Variants in ZNF385C observed in about 807,000 individuals in gnomAD.
ZNF385C encodes the protein CTD-2132N18.2.
A neutral mutation model predicts 35.4 loss-of-function variants in ZNF385C; 28 were observed. The ratio of observed to expected loss-of-function variants is 0.79; its 90% CI spans 0.59 to 1.08. The LOEUF (loss-of-function observed/expected upper bound fraction) is 1.08. ZNF385C is among the 50% of genes least tolerant of loss of function. The pLI is 0.00. For synonymous variants in ZNF385C, 248 were observed against 248.2 expected (o/e 1.00, Z 0.01); for missense variants, 605 against 595.6 (o/e 1.02, Z -0.16).
intron 2 of ZNF385C, chr17:42,038,097 T>C: frequency 6.5e-7 from 1 of 1,532,564 alleles, no homozygotes; most frequent in Non-Finnish European, 8.7e-7. Flanking sequence ...GAGTCCACAG[T>C]TGAGGCTCCC....
chr17:42,042,966 G>GTA, intron 2 of ZNF385C: 11 of 1,232,514 alleles, frequency 8.9e-6, no homozygotes, highest in Non-Finnish European at 1.1e-5. Context: ...CCTTTGCCAT[G>GTA]CAGTACACAG....
chr17:42,034,112 A>C, intron 4 of ZNF385C, 113 bp downstream of exon 4: 1 of 850,960 alleles, frequency 1.2e-6, no homozygotes, highest in Non-Finnish European at 1.9e-6. Context: ...GAAAATACCG[A>C]CCACAGCCCC....
chr17:42,062,724 C>T (rs1189298860), intron 2 of ZNF385C, 83 bp downstream of exon 2: 3 of 450,728 alleles, frequency 6.7e-6, no homozygotes, highest in Non-Finnish European at 1.2e-5. Flanking sequence ...AGGGAGGCCA[C>T]AGACCCAGAG....
At chr17:42,027,402 C>T (rs530632166) in intron 8 of ZNF385C, among the ~76,000 whole-genome samples, 38 of 152,072 alleles carry the variant, frequency 2.5e-4, no homozygotes, top group East Asian at 1.9e-4. Context: ...GCACGCCCAC[C>T]CCTCACTCTT....
At chr17:42,087,173 T>G (rs2143943617) in intron 1 of ZNF385C, among the ~76,000 whole-genome samples, 1 of 152,340 alleles carries the variant, frequency 6.6e-6, no homozygotes, top group South Asian at 2.1e-4. Context: ...AATATCCTTG[T>G]AATAGCCCTA....
chr17:42,032,772 G>A (rs2052760150), intron 4 of ZNF385C, among the ~76,000 whole-genome samples: 1 of 151,638 alleles, frequency 6.6e-6, no homozygotes, highest in African/African-American at 2.4e-5. Flanking sequence ...AGTGCAACGG[G>A]AGCAATCTAG....
At chr17:42,047,261 T>C (rs2143719827) in intron 2 of ZNF385C, among the ~76,000 whole-genome samples, 2 of 152,258 alleles carry the variant, frequency 1.3e-5, no homozygotes, top group South Asian at 4.1e-4. Context: ...CTTGATCTCC[T>C]GACCTCGTGA....
At chr17:42,033,834 C>T (rs1364636552) in intron 4 of ZNF385C, among the ~76,000 whole-genome samples, 3 of 152,152 alleles carry the variant, frequency 2.0e-5, no homozygotes, top group Non-Finnish European at 4.4e-5. Flanking sequence ...AGGGGATGGG[C>T]ATGATCACAT....
intron 5 of ZNF385C, among the ~76,000 whole-genome samples, chr17:42,029,394 T>C (rs1164141308): frequency 6.6e-6 from 1 of 152,116 alleles, no homozygotes; most frequent in Admixed American, 6.5e-5. Flanking sequence ...ACTACCCACA[T>C]GTCCACCAAC....
chr17:42,027,615 T>C lies in ZNF385C; in HGVS notation c.1275+3A>G, dbSNP rs1181964848. On this transcript the variant is annotated splice_donor_region_variant and intron_variant, in intron 8 of 8. Coordinates refer to ENST00000692273, the MANE Select transcript of ZNF385C (RefSeq NM_001392013.1). ...CCCAGCTCTGTTGCCTGGAGACAGATACCTTGAGGATACTCACAGCCAGCG... is the reference window on the plus strand; with the variant it reads ...CCCAGCTCTGTTGCCTGGAGACAGACACCTTGAGGATACTCACAGCCAGCG... 1 of 1,334,086 alleles carries C rather than the reference T, an allele frequency of 7.5e-7. No homozygotes were observed. The highest frequency in any genetic ancestry group is 9.9e-7 in the Non-Finnish European group (1 of 1,014,988). 82.6% of individuals were successfully genotyped at this position (1,334,086 alleles called of 1,614,324 possible). A position where few individuals can be genotyped will look rare whatever the true frequency, so the allele number is the denominator to read the frequency against.
chr17:42,066,799 T>C (rs1469098150), intron 1 of ZNF385C, among the ~76,000 whole-genome samples: 5 of 152,272 alleles, frequency 3.3e-5, no homozygotes, highest in Non-Finnish European at 5.9e-5. Flanking sequence ...CTGGGCGCAG[T>C]GGCTCACGCC....
chr17:42,097,088 T>G lies in ZNF385C; in HGVS notation c.-3+1322A>C, dbSNP rs758807852. Among the ~76,000 whole-genome samples the G allele has an allele frequency of 8.6e-4, 130 of 151,246 alleles. 1 individual carries two copies. The highest frequency in any genetic ancestry group is 1.3e-3 in the Non-Finnish European group (90 of 67,854). On this transcript the variant is annotated intron_variant, in intron 1 of 8. Coordinates refer to ENST00000692273, the MANE Select transcript of ZNF385C (RefSeq NM_001392013.1). ...GGGGACACTGGTACTTTCTGAGCCC[T>G]CGCCAGGCTCCAGGCACTGTGCTAA...
At chr17:42,040,746 G>C in intron 2 of ZNF385C, 1 of 1,232,328 alleles carries the variant, frequency 8.1e-7, no homozygotes. Context: ...GGACCAAGTG[G>C]GAACTAGGGC....
At chr17:42,093,294 A>G (rs2143959784) in intron 1 of ZNF385C, among the ~76,000 whole-genome samples, 1 of 152,242 alleles carries the variant, frequency 6.6e-6, no homozygotes, top group African/African-American at 2.4e-5. Flanking sequence ...GAAAAGTGTC[A>G]ATTCAGCCCC....
chr17:42,035,820 C>G (rs1005021605), intron 3 of ZNF385C, among the ~76,000 whole-genome samples: 1 of 151,854 alleles, frequency 6.6e-6, no homozygotes, highest in African/African-American at 2.4e-5. Flanking sequence ...TCCCAATGTG[C>G]TGGAATTACA....
Position 42,040,708 on chromosome 17 carries a change from G to A in ZNF385C, c.251-2823C>T, listed in dbSNP as rs112929867. 4.1e-6 allele frequency: 5 copies of A among 1,232,350 alleles called. No individual in the cohort carries two copies. In the African/African-American group the frequency reaches 4.6e-5, roughly 11 times the overall value. 76.3% of individuals were successfully genotyped at this position (1,232,350 alleles called of 1,614,324 possible). ...CCGAGGCCCTGCCAAGTCAATAGCT[G>A]CAAGGTCCAGTGCTGCCCGGAGCTC... is the stretch of plus-strand genomic sequence containing the variant. On this transcript the variant is annotated intron_variant, in intron 2 of 8. Transcript: ENST00000692273.
chr17:42,037,378 TACACACACAC>T (rs5820441), intron 3 of ZNF385C, among the ~76,000 whole-genome samples: 18,038 of 144,310 alleles, frequency 0.12, 1,185 homozygotes, highest in Admixed American at 0.17. Context: ...AGGCACAGGT[TACACACACAC>T]ACACACACAC....
intron 3 of ZNF385C, among the ~76,000 whole-genome samples, chr17:42,034,948 C>A (rs1448568729): frequency 1.3e-5 from 2 of 150,878 alleles, no homozygotes; most frequent in Non-Finnish European, 3.0e-5. Flanking sequence ...CCAAGAGAAA[C>A]TCCTTCTCTA....
intron 1 of ZNF385C, among the ~76,000 whole-genome samples, chr17:42,065,580 C>G (rs1437602927): frequency 6.6e-6 from 1 of 152,186 alleles, no homozygotes; most frequent in Non-Finnish European, 1.5e-5. Context: ...GCTGCTTGTC[C>G]TTTTTGTGAG....
Sources: allele counts gnomAD v4.1 joint callset (sites outside exome capture counted in the v4.1 genomes callset), GRCh38; gene constraint gnomAD v4.1.1; transcripts MANE v1.5; gene names NCBI Gene and HGNC (gene_info 2026-07-23, HGNC 2026-07-21).